Variants in NBDY observed in about 807,000 individuals in gnomAD.
NBDY encodes the protein P-body dissociating protein.
At chrX:56,751,346 T>G (rs1442143632) in intron 2 of NBDY, among the ~76,000 whole-genome samples, 1 of 111,838 alleles carries the variant, frequency 8.9e-6, no homozygotes, top group African/African-American at 3.3e-5. Context: ...TTGCTTCCTC[T>G]TTACTATTTC....
At chrX:56,741,596 A>G (rs1027072528) in intron 2 of NBDY, among the ~76,000 whole-genome samples, 1 of 112,141 alleles carries the variant, frequency 8.9e-6, no homozygotes, top group African/African-American at 3.2e-5. Flanking sequence ...ATGATCAACT[A>G]CAATGAGTAC....
At chrX:56,807,159 T>C (rs1470481653) in intron 2 of NBDY, among the ~76,000 whole-genome samples, 2 of 111,909 alleles carry the variant, frequency 1.8e-5, no homozygotes, top group East Asian at 2.8e-4. Context: ...CTCCATTCTG[T>C]TCCATTGGTT....
intron 2 of NBDY, among the ~76,000 whole-genome samples, chrX:56,767,681 A>T (rs980839476): frequency 1.9e-4 from 21 of 112,913 alleles, no homozygotes; most frequent in African/African-American, 3.2e-4. Context: ...CTTCTCCTTA[A>T]CTTTCTTTTA....
intron 2 of NBDY, among the ~76,000 whole-genome samples, chrX:56,759,344 C>G (rs2069626671): frequency 8.9e-6 from 1 of 111,987 alleles, no homozygotes; most frequent in Admixed American, 9.4e-5. Context: ...GAAGCAGCCA[C>G]AAAACCTGGA....
At chrX:56,797,774 TCTCA>T (rs1466620505) in intron 2 of NBDY, among the ~76,000 whole-genome samples, 23 of 110,764 alleles carry the variant, frequency 2.1e-4, no homozygotes, top group Non-Finnish European at 3.0e-4. Context: ...ATTTGCCCAC[TCTCA>T]CTCACACAAG....
intron 2 of NBDY, 26 bp downstream of exon 2, chrX:56,732,225 AGAG>A (rs2069462944): frequency 3.4e-6 from 1 of 291,878 alleles, no homozygotes; most frequent in Non-Finnish European, 6.0e-6. Context: ...AAAATTATTA[AGAG>A]GAGGAAGAGA....
intron 2 of NBDY, among the ~76,000 whole-genome samples, chrX:56,802,213 C>A (rs1049130615): frequency 8.9e-6 from 1 of 112,127 alleles, no homozygotes; most frequent in African/African-American, 3.2e-5. Flanking sequence ...CACCTAAGGC[C>A]TTCTCCTGAG....
intron 1 of NBDY, among the ~76,000 whole-genome samples, chrX:56,730,105 A>T (rs1321073287): frequency 1.8e-5 from 2 of 109,462 alleles, no homozygotes; most frequent in East Asian, 5.7e-4. Flanking sequence ...TTTTTTTTTT[A>T]AAGCTACAAT....
intron 2 of NBDY, among the ~76,000 whole-genome samples, chrX:56,734,686 A>G (rs2069477754): frequency 8.9e-6 from 1 of 111,854 alleles, no homozygotes; most frequent in Non-Finnish European, 1.9e-5. Context: ...TCAAGGAGGT[A>G]ACACCCAAGG....
intron 2 of NBDY, among the ~76,000 whole-genome samples, chrX:56,795,773 A>G (rs17002761): frequency 0.13 from 14,496 of 111,772 alleles, 1,969 homozygotes; most frequent in African/African-American, 0.41. Context: ...TCCTTTTTTC[A>G]TATGTAGGTA....
chrX:56,743,990 C>T (rs1035988350), intron 2 of NBDY, among the ~76,000 whole-genome samples: 21 of 109,816 alleles, frequency 1.9e-4, no homozygotes, highest in African/African-American at 6.6e-4. Flanking sequence ...TGCTTTATCC[C>T]GTAGGTTTTT....
At chrX:56,761,662 G>A (rs971175975) in intron 2 of NBDY, among the ~76,000 whole-genome samples, 3 of 112,590 alleles carry the variant, frequency 2.7e-5, no homozygotes, top group East Asian at 2.8e-4. Flanking sequence ...TTTACTTCTC[G>A]TCCACTTCTG....
intron 2 of NBDY, among the ~76,000 whole-genome samples, chrX:56,812,673 G>A (rs1019486859): frequency 1.8e-5 from 2 of 111,130 alleles, no homozygotes. Context: ...TCACCCGGAC[G>A]TCACTCATAT....
rs1157131797 is a variant in NBDY, at chrX:56,730,513, C to CAAAAAAAAAAAAAAAAA, written c.*29+941_*29+957dup. Among the ~76,000 whole-genome samples, 3 of 11,215 alleles carry CAAAAAAAAAAAAAAAAA rather than the reference C, an allele frequency of 2.7e-4. 1 individual carries two copies. The highest frequency in any genetic ancestry group is 3.5e-4 in the Non-Finnish European group (2 of 5,792). 9.7% of individuals were successfully genotyped at this position (11,215 alleles called of 115,157 possible). On this transcript the variant is annotated intron_variant, in intron 1 of 2. Coordinates refer to ENST00000374922, the MANE Select transcript of NBDY (RefSeq NM_001348129.2). ...GCGACAATAGCAAAAAACTACGTCT[C>CAAAAAAAAAAAAAAAAA]AAAAAAAAAAAAAAAAAAAAAAAAA...
At chrX:56,747,766 C>A (rs2069564511) in intron 2 of NBDY, among the ~76,000 whole-genome samples, 1 of 111,476 alleles carries the variant, frequency 9.0e-6, no homozygotes, top group Admixed American at 9.6e-5. Context: ...AAAATCCCGA[C>A]AAAAAGTGAT....
chrX:56,751,633 TC>T (rs2069586322), intron 2 of NBDY, among the ~76,000 whole-genome samples: 1 of 112,057 alleles, frequency 8.9e-6, no homozygotes. Context: ...ATAAAACACT[TC>T]CAATACCCTA....
intron 2 of NBDY, among the ~76,000 whole-genome samples, chrX:56,784,208 T>C (rs2069713812): frequency 8.9e-6 from 1 of 112,295 alleles, no homozygotes; most frequent in African/African-American, 3.2e-5. Flanking sequence ...ACGACACTTG[T>C]CCCTAGGTAG....
At chrX:56,808,078 G>GT (rs1309439735) in intron 2 of NBDY, among the ~76,000 whole-genome samples, 1 of 112,174 alleles carries the variant, frequency 8.9e-6, no homozygotes, top group Non-Finnish European at 1.9e-5. Flanking sequence ...TAAGTGTGTG[G>GT]TTTTTTGTCA....
chrX:56,739,238 G>GTGTATATATA (rs1556001298), intron 2 of NBDY, among the ~76,000 whole-genome samples: 1 of 59,632 alleles, frequency 1.7e-5, no homozygotes, highest in Admixed American at 2.2e-4. Flanking sequence ...GTTTGTGTGT[G>GTGTATATATA]TATATATATA....
Sources: allele counts gnomAD v4.1 joint callset (sites outside exome capture counted in the v4.1 genomes callset), GRCh38; gene constraint gnomAD v4.1.1; transcripts MANE v1.5; gene names NCBI Gene and HGNC (gene_info 2026-07-23, HGNC 2026-07-21).